ASAP1: variants seen among roughly 807,000 people sequenced by gnomAD.
The protein encoded by ASAP1 is arf-GAP with SH3 domain, ANK repeat and PH domain-containing protein 1.
Under a neutral mutation model 145.2 loss-of-function variants are expected in ASAP1, and 43 were observed. That is an observed-to-expected ratio of 0.30 (90% confidence interval 0.23 to 0.38). The LOEUF is 0.38. Among genes scored for constraint, ASAP1 ranks in the 10% least tolerant of loss-of-function variants. ASAP1 has a pLI of 1.00. For missense variants in ASAP1, 1,018 were observed against 1,355.3 expected (o/e 0.75, Z 3.91); for synonymous variants, 546 against 515.5 (o/e 1.06, Z -0.80).
chr8:130,260,907 A>C (rs1306104808), intron 3 of ASAP1, among the ~76,000 whole-genome samples: 1 of 152,170 alleles, frequency 6.6e-6, no homozygotes, highest in Non-Finnish European at 1.5e-5. Flanking sequence ...CATAAAACCA[A>C]ATTTGCTTTT....
intron 25 of ASAP1, among the ~76,000 whole-genome samples, 170 bp from the exon 26 acceptor site, chr8:130,080,141 C>T (rs1301461122): frequency 6.6e-6 from 1 of 152,132 alleles, no homozygotes; most frequent in Non-Finnish European, 1.5e-5. Context: ...AAACTGAGCA[C>T]TGTTTTGGGC....
intron 3 of ASAP1, among the ~76,000 whole-genome samples, chr8:130,264,632 C>T (rs1004741277): frequency 2.6e-5 from 4 of 152,148 alleles, no homozygotes; most frequent in Non-Finnish European, 5.9e-5. Context: ...GATATTCACG[C>T]ACAACATATT....
At chr8:130,383,702 T>C (rs909838372) in intron 2 of ASAP1, among the ~76,000 whole-genome samples, 15 of 152,230 alleles carry the variant, frequency 9.9e-5, no homozygotes, top group Non-Finnish European at 2.2e-4. Flanking sequence ...TTTATCTTAA[T>C]GTTTATGTAT....
At chr8:130,217,243 G>C (rs1816983230) in intron 4 of ASAP1, among the ~76,000 whole-genome samples, 1 of 152,036 alleles carries the variant, frequency 6.6e-6, no homozygotes, top group Non-Finnish European at 1.5e-5. Flanking sequence ...GCCCACAGTA[G>C]ATGCATAGTA....
intron 5 of ASAP1, among the ~76,000 whole-genome samples, chr8:130,211,559 G>A (rs1205282217): frequency 6.6e-6 from 1 of 152,102 alleles, no homozygotes; most frequent in Non-Finnish European, 1.5e-5. Context: ...TTCTTACATC[G>A]AACAAATAAC....
At chr8:130,315,084 C>A (rs1458736568) in intron 3 of ASAP1, among the ~76,000 whole-genome samples, 1 of 152,152 alleles carries the variant, frequency 6.6e-6, no homozygotes, top group Non-Finnish European at 1.5e-5. Context: ...TATTAAACCA[C>A]AAAACACTAC....
At chr8:130,263,131 T>C (rs1424094858) in intron 3 of ASAP1, among the ~76,000 whole-genome samples, 2 of 152,210 alleles carry the variant, frequency 1.3e-5, no homozygotes, top group Admixed American at 6.5e-5. Flanking sequence ...ATTACGTGTG[T>C]TGATCACAAA....
chr8:130,116,583 G>T lies in ASAP1; in HGVS notation c.2064+95C>A, dbSNP rs1010991525. 4 of 1,099,554 alleles carry T rather than the reference G, an allele frequency of 3.6e-6. No individual in the cohort carries two copies. In the African/African-American group the frequency reaches 6.4e-5, roughly 17 times the overall value. 68.1% of individuals were successfully genotyped at this position (1,099,554 alleles called of 1,614,324 possible). On this transcript the variant is annotated intron_variant, in intron 22 of 29. Coordinates refer to ENST00000518721, the MANE Select transcript of ASAP1 (RefSeq NM_018482.4). Reference sequence around the variant, plus strand: ...TCTTTAGCAAGTGTTAAAAAAAAATGAATCTGCATTTTTAATATTCAATTC... The same window carrying T: ...TCTTTAGCAAGTGTTAAAAAAAAATTAATCTGCATTTTTAATATTCAATTC...
At chr8:130,269,843 C>A (rs1820484285) in intron 3 of ASAP1, among the ~76,000 whole-genome samples, 1 of 152,174 alleles carries the variant, frequency 6.6e-6, no homozygotes, top group Admixed American at 6.5e-5. Context: ...TTCCAAGCAT[C>A]CAGGATCACA....
chr8:130,151,370 CAAAAAAAAAAAAAAAAAAAAAAAAAAAA>C (rs58367856), intron 13 of ASAP1, among the ~76,000 whole-genome samples: 2 of 62,852 alleles, frequency 3.2e-5, no homozygotes, highest in Admixed American at 2.3e-4. Context: ...GACTCAGTCT[CAAAAAAAAAAAAAAAAAAAAAAAAAAAA>C]AAAAAAAAAA....
At chr8:130,101,221 C>G (rs920809788) in intron 24 of ASAP1, among the ~76,000 whole-genome samples, 2 of 152,146 alleles carry the variant, frequency 1.3e-5, no homozygotes, top group African/African-American at 4.8e-5. Flanking sequence ...TGTAATGACT[C>G]CAGCTTTTTT....
intron 3 of ASAP1, among the ~76,000 whole-genome samples, chr8:130,252,216 T>C (rs879879105): frequency 6.6e-6 from 1 of 152,214 alleles, no homozygotes; most frequent in African/African-American, 2.4e-5. Context: ...TATTGTCTAA[T>C]ACATATGTGC....
chr8:130,327,114 T>G lies in ASAP1; in HGVS notation c.186+30903A>C, dbSNP rs116303067. The stretch of plus-strand genomic sequence containing the variant: ...AAGGGAATTTCAATTTGCAAAGGTG[T>G]TGGTAGGGCACTCTATCTTTCTGAG... On this transcript the variant is annotated intron_variant, in intron 3 of 29. Coordinates refer to ENST00000518721, the MANE Select transcript of ASAP1 (RefSeq NM_018482.4). Among the ~76,000 whole-genome samples the G allele has an allele frequency of 7.8e-3, 1,186 of 152,304 alleles. 16 individuals are homozygous for G. The highest frequency in any genetic ancestry group is 0.027 in the African/African-American group (1,139 of 41,548).
chr8:130,349,501 G>C (rs1455292583), intron 3 of ASAP1, among the ~76,000 whole-genome samples: 1 of 152,218 alleles, frequency 6.6e-6, no homozygotes. Context: ...GACTCACTGA[G>C]AGGTAGGTAC....
At chr8:130,318,826 G>A (rs1430869976) in intron 3 of ASAP1, among the ~76,000 whole-genome samples, 2 of 152,234 alleles carry the variant, frequency 1.3e-5, no homozygotes, top group East Asian at 3.9e-4. Context: ...CAGTGGAAAT[G>A]TCAAATGGAG....
At chr8:130,407,305 G>A (rs772287559) in intron 1 of ASAP1, among the ~76,000 whole-genome samples, 9 of 152,126 alleles carry the variant, frequency 5.9e-5, no homozygotes, top group African/African-American at 7.2e-5. Context: ...TTGCCCCACC[G>A]AAGGGAAAGG....
chr8:130,094,729 T>C (rs1047650721), intron 24 of ASAP1, among the ~76,000 whole-genome samples: 1 of 152,178 alleles, frequency 6.6e-6, no homozygotes, highest in African/African-American at 2.4e-5. Flanking sequence ...TGCTGGTTCC[T>C]GAAAGCCAGA....
At chr8:130,303,946 G>T (rs1822831439) in intron 3 of ASAP1, among the ~76,000 whole-genome samples, 1 of 152,070 alleles carries the variant, frequency 6.6e-6, no homozygotes, top group Non-Finnish European at 1.5e-5. Context: ...CATGGTTAAT[G>T]AATCAGTATC....
chr8:130,374,116 T>C (rs1202893266), intron 2 of ASAP1, among the ~76,000 whole-genome samples: 1 of 150,690 alleles, frequency 6.6e-6, no homozygotes. Flanking sequence ...ATCAAATCCT[T>C]GCCCTACTAT....
Sources: gnomAD v4.1 joint callset for allele counts (sites outside exome capture counted in the v4.1 genomes callset) on GRCh38, gnomAD v4.1.1 for gene constraint, MANE v1.5 for transcripts, NCBI Gene and HGNC (gene_info 2026-07-23, HGNC 2026-07-21) for gene names.